PPM1D: variants seen among roughly 807,000 people sequenced by gnomAD.
PPM1D encodes protein phosphatase 1D.
In PPM1D, 52 loss-of-function variants were observed where a neutral mutation model predicts 58.3. The observed-to-expected ratio is 0.89, with a 90% confidence interval of 0.71 to 1.12. The LOEUF (loss-of-function observed/expected upper bound fraction) is 1.12. Ranked by LOEUF, PPM1D falls within the 50% of genes most tolerant of loss-of-function variation. PPM1D has a pLI of 0.00. For synonymous variants in PPM1D, 278 were observed against 285.1 expected, an observed-to-expected ratio of 0.98 and a Z score of 0.25; for missense variants, 564 against 777.2, an observed-to-expected ratio of 0.73 and a Z score of 3.26.
In PPM1D at chr17:60,600,337, C is replaced by T; in HGVS notation, c.-78C>T. The T allele has an allele frequency of 1.3e-6, 2 of 1,507,550 alleles. No individual in the cohort carries two copies. The highest frequency in any genetic ancestry group is 8.8e-7 in the Non-Finnish European group (1 of 1,132,206). 93.4% of individuals were successfully genotyped at this position (1,507,550 alleles called of 1,614,324 possible). On this transcript the variant is annotated 5_prime_UTR_variant, in exon 1 of 6. Transcript: ENST00000305921. ...GTCGTCGAAGATAAACAATAGTTGG[C>T]CGGCGAGCGCCTAGTGTGTCTCCCG...
intron 3 of PPM1D, among the ~76,000 whole-genome samples, chr17:60,643,883 C>CTT (rs71148308): frequency 0.27 from 26,560 of 97,754 alleles, 4,450 homozygotes; most frequent in South Asian, 0.35. Flanking sequence ...CTTTTCTTTT[C>CTT]TTTTTTTTTT....
intron 5 of PPM1D, among the ~76,000 whole-genome samples, chr17:60,658,868 G>A (rs1426337561): frequency 6.6e-6 from 1 of 151,984 alleles, no homozygotes; most frequent in Non-Finnish European, 1.5e-5. Context: ...AGGCAGAGGC[G>A]GGAATCGCTT....
intron 3 of PPM1D, among the ~76,000 whole-genome samples, chr17:60,644,843 TATC>T (rs2031204046): frequency 6.6e-6 from 1 of 152,208 alleles, no homozygotes; most frequent in Non-Finnish European, 1.5e-5. Flanking sequence ...TTTAAATAAG[TATC>T]ATTTATAATC....
chr17:60,644,826 A>G (rs2031203772), intron 3 of PPM1D, among the ~76,000 whole-genome samples: 1 of 152,224 alleles, frequency 6.6e-6, no homozygotes, highest in Non-Finnish European at 1.5e-5. Context: ...AACAATTCGT[A>G]ATAAAATTTA....
chr17:60,615,265 C>T (rs1043457348), intron 1 of PPM1D, among the ~76,000 whole-genome samples: 5 of 151,918 alleles, frequency 3.3e-5, no homozygotes, highest in African/African-American at 4.8e-5. Flanking sequence ...GGCGTGGTGG[C>T]GTGCACCTGT....
intron 1 of PPM1D, among the ~76,000 whole-genome samples, chr17:60,617,041 G>A (rs2030598264): frequency 6.6e-6 from 1 of 151,936 alleles, no homozygotes; most frequent in South Asian, 2.1e-4. Context: ...TTGAACTCCT[G>A]AGCTCAAGTG....
chr17:60,609,607 A>G (rs974008297), intron 1 of PPM1D, among the ~76,000 whole-genome samples: 1 of 152,102 alleles, frequency 6.6e-6, no homozygotes, highest in African/African-American at 2.4e-5. Context: ...TCAGCCCTGG[A>G]TGTTAATCAT....
At chr17:60,644,247 G>T (rs2031194126) in intron 3 of PPM1D, among the ~76,000 whole-genome samples, 1 of 151,858 alleles carries the variant, frequency 6.6e-6, no homozygotes, top group African/African-American at 2.4e-5. Context: ...AAACCCTAGG[G>T]AATTGTTTTA....
chr17:60,643,197 T>G (rs2031171403), intron 3 of PPM1D, among the ~76,000 whole-genome samples: 1 of 151,940 alleles, frequency 6.6e-6, no homozygotes, highest in Admixed American at 6.6e-5. Flanking sequence ...CTGGCCAATA[T>G]GGCGAAACCC....
At chr17:60,623,849 A>G (rs1314252159) in intron 2 of PPM1D, 100 bp downstream of exon 2, 1 of 1,177,202 alleles carries the variant, frequency 8.5e-7, no homozygotes, top group East Asian at 2.6e-5. Context: ...TACTGAAGTT[A>G]CTTTCTTAGT....
chr17:60,640,784 A>T (rs149169185), intron 3 of PPM1D, among the ~76,000 whole-genome samples: 5 of 152,222 alleles, frequency 3.3e-5, no homozygotes, highest in Non-Finnish European at 5.9e-5. Flanking sequence ...AAGTGAGAAC[A>T]TGTGGTATTT....
At chr17:60,627,677 C>G in intron 2 of PPM1D, among the ~76,000 whole-genome samples, 1 of 152,148 alleles carries the variant, frequency 6.6e-6, no homozygotes, top group East Asian at 1.9e-4. Context: ...ACCTCTGCCT[C>G]CCAAAGTGCT....
Position 60,600,285 on chromosome 17 carries a change from C to T in PPM1D, c.-130C>T, listed in dbSNP as rs961379680. On this transcript the variant is annotated 5_prime_UTR_variant, in exon 1 of 6. Transcript: ENST00000305921. The stretch of plus-strand genomic sequence containing the variant: ...CAGACATCGCGCGCCCCCCCTTCTC[C>T]GGGTCCGCCCCCTCCCCCTTCTCGG... 7.0e-6 allele frequency: 10 copies of T among 1,438,010 alleles called. No homozygotes were observed. The highest frequency in any genetic ancestry group is 2.9e-5 in the African/African-American group (2 of 67,826). 89.1% of individuals were successfully genotyped at this position (1,438,010 alleles called of 1,614,324 possible).
intron 2 of PPM1D, among the ~76,000 whole-genome samples, chr17:60,632,010 C>T (rs1270461862): frequency 2.0e-5 from 3 of 152,014 alleles, no homozygotes; most frequent in Non-Finnish European, 2.9e-5. Flanking sequence ...AACCCCGTGT[C>T]TACTAAAAAT....
intron 1 of PPM1D, among the ~76,000 whole-genome samples, chr17:60,604,309 G>A (rs774768213): frequency 1.3e-5 from 2 of 152,180 alleles, no homozygotes; most frequent in Non-Finnish European, 2.9e-5. Context: ...AATTAGAAAT[G>A]TATCATTGAG....
intron 1 of PPM1D, among the ~76,000 whole-genome samples, chr17:60,607,266 A>T (rs916580938): frequency 6.6e-6 from 1 of 151,864 alleles, no homozygotes; most frequent in Admixed American, 6.6e-5. Context: ...CTAAGAAATA[A>T]GTTTTTTTGT....
Position 60,663,055 on chromosome 17 carries a change from C to T in PPM1D, c.1321C>T (p.Arg441Cys), listed in dbSNP as rs777279856. The T allele has an allele frequency of 9.3e-6, 15 of 1,614,062 alleles. No homozygotes were observed. The highest frequency in any genetic ancestry group is 1.7e-5 in the Admixed American group (1 of 59,996). ...TAAGGACCATATACCTGCCCTGGTT[C>T]GTAGCAATGCCTTCTCAGAGAATTT... ...NSKDHIPALV[R>C]SNAFSENFLE... Residue 441 changes from arginine to cysteine, a missense_variant, in exon 6 of 6, where the codon CGT becomes TGT. This residue lies in a region of PPM1D where 261 missense variants were observed against 270.1 expected (regional missense o/e 0.97). Transcript: ENST00000305921.
chr17:60,631,867 G>C (rs988581506), intron 2 of PPM1D, among the ~76,000 whole-genome samples: 1 of 152,126 alleles, frequency 6.6e-6, no homozygotes, highest in Admixed American at 6.5e-5. Context: ...GATTATCAGT[G>C]TTTTTTCCTA....
intron 5 of PPM1D, among the ~76,000 whole-genome samples, chr17:60,658,306 T>C (rs1272229305): frequency 6.6e-6 from 1 of 152,196 alleles, no homozygotes; most frequent in Non-Finnish European, 1.5e-5. Flanking sequence ...ATAAAAATTA[T>C]TGCAGTCTGC....
Sources: allele counts gnomAD v4.1 joint callset (sites outside exome capture counted in the v4.1 genomes callset), GRCh38; gene constraint gnomAD v4.1.1; regional missense constraint gnomAD v4.1.1; transcripts MANE v1.5; gene names NCBI Gene and HGNC (gene_info 2026-07-23, HGNC 2026-07-21).